Variants in PDE4B observed in about 807,000 individuals in gnomAD.
PDE4B encodes the protein 3',5'-cyclic-AMP phosphodiesterase 4B.
PDE4B carries 20 observed loss-of-function variants against 82.2 expected under a neutral mutation model. That is an observed-to-expected ratio of 0.24 (90% confidence interval 0.17 to 0.35). The LOEUF (loss-of-function observed/expected upper bound fraction) is 0.35, where lower values mean the gene tolerates loss of function less well. Among genes scored for constraint, PDE4B ranks in the 10% least tolerant of loss-of-function variants. The probability of loss-of-function intolerance (pLI) is 1.00; values close to 1 mark genes in which losing one functional copy is unlikely to be tolerated. For missense variants in PDE4B, 655 were observed against 907.2 expected (o/e 0.72, Z 3.57); for synonymous variants, 320 against 318.9 (o/e 1.00, Z -0.04).
At chr1:65,908,706 T>C (rs1272260413) in intron 1 of PDE4B, among the ~76,000 whole-genome samples, 1 of 152,060 alleles carries the variant, frequency 6.6e-6, no homozygotes, top group Non-Finnish European at 1.5e-5. Context: ...GGAGTTTCAA[T>C]GTGTGCCAGT....
At chr1:66,109,478 T>TA (rs5774798) in intron 3 of PDE4B, among the ~76,000 whole-genome samples, 1 of 151,364 alleles carries the variant, frequency 6.6e-6, no homozygotes, top group South Asian at 2.1e-4. Flanking sequence ...GAAAACAATT[T>TA]AAAAAAAAAT....
At chr1:66,300,829 C>T (rs1198454843) in intron 7 of PDE4B, among the ~76,000 whole-genome samples, 1 of 152,270 alleles carries the variant, frequency 6.6e-6, no homozygotes. Flanking sequence ...CGTATGCAGT[C>T]CCGTTTTCAG....
chr1:66,292,685 G>A (rs996650040), intron 7 of PDE4B, among the ~76,000 whole-genome samples: 9 of 152,106 alleles, frequency 5.9e-5, no homozygotes, highest in Admixed American at 5.9e-4. Flanking sequence ...GTGAACACAC[G>A]TAATCCAAAT....
chr1:66,309,539 A>T (rs563586018), intron 7 of PDE4B, among the ~76,000 whole-genome samples: 33 of 152,338 alleles, frequency 2.2e-4, no homozygotes, highest in Admixed American at 6.5e-4. Flanking sequence ...TTGCAGGTCA[A>T]TGTGAAGGGG....
intron 8 of PDE4B, among the ~76,000 whole-genome samples, chr1:66,342,238 G>C (rs569585575): frequency 6.6e-6 from 1 of 152,214 alleles, no homozygotes; most frequent in South Asian, 2.1e-4. Flanking sequence ...AGAGTCTAAC[G>C]TTAGCTCTTT....
intron 3 of PDE4B, among the ~76,000 whole-genome samples, chr1:66,110,747 A>G (rs2101050690): frequency 6.6e-6 from 1 of 152,212 alleles, no homozygotes; most frequent in African/African-American, 2.4e-5. Context: ...TAATGCGATT[A>G]AACCAACTCC....
intron 3 of PDE4B, among the ~76,000 whole-genome samples, chr1:66,114,431 A>G (rs780753715): frequency 6.6e-6 from 1 of 152,174 alleles, no homozygotes; most frequent in Non-Finnish European, 1.5e-5. Context: ...AATAAAATAA[A>G]TTTTCAAATA....
At chr1:66,342,882 A>G (rs1661107616) in intron 8 of PDE4B, among the ~76,000 whole-genome samples, 1 of 152,172 alleles carries the variant, frequency 6.6e-6, no homozygotes, top group Non-Finnish European at 1.5e-5. Context: ...TGTCTCTACT[A>G]AAAATACAAA....
At chr1:66,021,159 G>A (rs1653084917) in intron 3 of PDE4B, among the ~76,000 whole-genome samples, 1 of 152,096 alleles carries the variant, frequency 6.6e-6, no homozygotes, top group African/African-American at 2.4e-5. Flanking sequence ...TTTTTGATGG[G>A]GTTGTTTGAT....
intron 7 of PDE4B, 170 bp from the exon 8 acceptor site, chr1:66,332,338 G>A: frequency 6.2e-7 from 1 of 1,603,826 alleles, no homozygotes; most frequent in Non-Finnish European, 8.5e-7. Context: ...GCACCACTGT[G>A]ATTTGTTCTC....
At chr1:65,833,106 T>G (rs1252514974) in intron 1 of PDE4B, among the ~76,000 whole-genome samples, 1 of 152,186 alleles carries the variant, frequency 6.6e-6, no homozygotes, top group Non-Finnish European at 1.5e-5. Context: ...TAAGGATGAT[T>G]TGTTACCATT....
intron 7 of PDE4B, among the ~76,000 whole-genome samples, chr1:66,321,928 CA>C (rs1659433901): frequency 1.3e-5 from 2 of 152,166 alleles, no homozygotes; most frequent in Admixed American, 6.5e-5. Context: ...AACTATACTA[CA>C]AGGCTACAGT....
chr1:66,275,855 A>G (rs146216922), intron 7 of PDE4B, among the ~76,000 whole-genome samples: 2 of 152,042 alleles, frequency 1.3e-5, no homozygotes, highest in East Asian at 1.9e-4. Flanking sequence ...TTCTTGGTTT[A>G]TTGTCTTGAC....
chr1:65,793,550 G>A (rs1341283447), intron 1 of PDE4B, among the ~76,000 whole-genome samples: 3 of 152,222 alleles, frequency 2.0e-5, no homozygotes, highest in Non-Finnish European at 4.4e-5. Flanking sequence ...GAGAGAGGCA[G>A]AAGGATTCAG....
At chr1:66,284,999 T>C (rs1317939030) in intron 7 of PDE4B, among the ~76,000 whole-genome samples, 1 of 152,154 alleles carries the variant, frequency 6.6e-6, no homozygotes, top group East Asian at 1.9e-4. Context: ...TGAATTGGGA[T>C]TACTTGTGTG....
Position 66,119,475 on chromosome 1 carries a change from C to T in PDE4B, c.282-127985C>T, listed in dbSNP as rs541057204. ...TCAGACTGTAGAGAGAAAAGAAGTGCGTGTATTCACTTCCCAGGAGAAATA... is the reference window on the plus strand; with the variant it reads ...TCAGACTGTAGAGAGAAAAGAAGTGTGTGTATTCACTTCCCAGGAGAAATA... On this transcript the variant is annotated intron_variant, in intron 3 of 16. Transcript: ENST00000341517. Among the ~76,000 whole-genome samples, 119 of 144,686 alleles carry T rather than the reference C, an allele frequency of 8.2e-4. 1 individual carries two copies. Among genetic ancestry groups the T allele is most frequent in the African/African-American group, 2.8e-3 (110 of 38,616 alleles). The allele number at this position is 144,686 out of a possible 152,430, so 94.9% of individuals were successfully genotyped here. A position where few individuals can be genotyped will look rare whatever the true frequency, so the allele number is the denominator to read the frequency against.
chr1:66,004,443 A>G (rs1232869074), intron 3 of PDE4B, among the ~76,000 whole-genome samples: 2 of 152,172 alleles, frequency 1.3e-5, no homozygotes, highest in African/African-American at 4.8e-5. Flanking sequence ...ACAATAAAAT[A>G]AAAAGTAATA....
chr1:65,802,975 G>A (rs1052090079), intron 1 of PDE4B, among the ~76,000 whole-genome samples: 1 of 151,922 alleles, frequency 6.6e-6, no homozygotes, highest in Non-Finnish European at 1.5e-5. Flanking sequence ...AAATGTATTT[G>A]TGTACTATTT....
chr1:65,945,984 T>C (rs534003096), intron 3 of PDE4B, among the ~76,000 whole-genome samples: 119 of 152,054 alleles, frequency 7.8e-4, no homozygotes, highest in Middle Eastern at 6.8e-3. Context: ...ATGCCACTTT[T>C]CTTCTTTCCC....
Sources: allele counts gnomAD v4.1 joint callset (sites outside exome capture counted in the v4.1 genomes callset), GRCh38; gene constraint gnomAD v4.1.1; transcripts MANE v1.5; gene names NCBI Gene and HGNC (gene_info 2026-07-23, HGNC 2026-07-21).